Variants in GLI3 observed in about 807,000 individuals in gnomAD.
GLI3 encodes transcription activator GLI3.
Under a neutral mutation model 100.8 loss-of-function variants are expected in GLI3, and 20 were observed. The ratio of observed to expected loss-of-function variants is 0.20; its 90% CI spans 0.14 to 0.29. The LOEUF (loss-of-function observed/expected upper bound fraction) is 0.29. GLI3 is among the 10% of genes least tolerant of loss of function. The pLI is 1.00. For synonymous variants in GLI3, 938 were observed against 860.5 expected, an observed-to-expected ratio of 1.09 and a Z score of -1.58; for missense variants, 2,040 against 2,128.5, an observed-to-expected ratio of 0.96 and a Z score of 0.82.
At chr7:42,092,231 A>T (rs903852208) in intron 3 of GLI3, among the ~76,000 whole-genome samples, 1 of 152,232 alleles carries the variant, frequency 6.6e-6, no homozygotes, top group African/African-American at 2.4e-5. Context: ...AAGTGGATAA[A>T]GTCATCTGAG....
intron 2 of GLI3, among the ~76,000 whole-genome samples, chr7:42,190,880 C>G (rs79388696): frequency 0.019 from 2,831 of 151,598 alleles, 93 homozygotes; most frequent in African/African-American, 0.065. Flanking sequence ...AAAAAACATA[C>G]AAAGATCATC....
At chr7:42,119,823 A>C (rs1785951103) in intron 3 of GLI3, among the ~76,000 whole-genome samples, 1 of 152,190 alleles carries the variant, frequency 6.6e-6, no homozygotes, top group African/African-American at 2.4e-5. Flanking sequence ...AGAAGCAAGG[A>C]AAGTCACAAC....
At chr7:41,978,573 T>C in intron 11 of GLI3, 26 bp downstream of exon 11, 1 of 1,610,928 alleles carries the variant, frequency 6.2e-7, no homozygotes, top group Non-Finnish European at 8.5e-7. Flanking sequence ...GACCCAAGTG[T>C]GCCTGCCACC....
At position 41,972,965 on chromosome 7, in the gene GLI3, T is replaced by C. The variant is rs2128710166; in HGVS notation, c.1813-338A>G. Among the ~76,000 whole-genome samples the C allele has an allele frequency of 6.6e-6, 1 of 151,510 alleles. No individual in the cohort carries two copies. The highest frequency in any genetic ancestry group is 2.1e-4 in the South Asian group (1 of 4,804). On this transcript the variant is annotated intron_variant, in intron 12 of 14. Coordinates refer to ENST00000395925, the MANE Select transcript of GLI3 (RefSeq NM_000168.6). This position sits in a 1 kb window ranked among gnomAD's most constrained non-coding sequence, Gnocchi z 4.4. ...TAGGCACTCAATAGATATTTGATGA[T>C]GATGATGATGATGATGACGATGACT...
At chr7:42,202,402 A>G (rs1356233380) in intron 2 of GLI3, among the ~76,000 whole-genome samples, 1 of 150,868 alleles carries the variant, frequency 6.6e-6, no homozygotes, top group Non-Finnish European at 1.5e-5. Context: ...ACACAGGGCA[A>G]ATCAGTATAC....
intron 2 of GLI3, among the ~76,000 whole-genome samples, chr7:42,165,387 T>C (rs1291567617): frequency 1.3e-5 from 2 of 152,152 alleles, no homozygotes; most frequent in Non-Finnish European, 2.9e-5. Context: ...TCAAATAATA[T>C]GCAAAAACAT....
At chr7:42,074,463 T>C (rs1359769825) in intron 4 of GLI3, among the ~76,000 whole-genome samples, 2 of 152,104 alleles carry the variant, frequency 1.3e-5, no homozygotes, top group Non-Finnish European at 2.9e-5. Context: ...TAACAATAAA[T>C]CACCAAGCAA....
rs765591867 is a variant in GLI3, at chr7:42,025,254, G to A, written c.1356+10C>T. On this transcript the variant is annotated intron_variant, in intron 9 of 14. Coordinates refer to ENST00000395925, the MANE Select transcript of GLI3 (RefSeq NM_000168.6). ...AGTGGGCGCTGGCCTGTGCGGCCTCGGTGTCCTACCTGCTGCCCCCGAGCC... is the reference window on the plus strand; with the variant it reads ...AGTGGGCGCTGGCCTGTGCGGCCTCAGTGTCCTACCTGCTGCCCCCGAGCC... The A allele has an allele frequency of 3.8e-6, 6 of 1,585,432 alleles. No individual in the cohort carries two copies. The South Asian group carries it at 6.6e-5, about 18-fold the overall frequency.
At chr7:42,154,302 G>A (rs556593489) in intron 2 of GLI3, among the ~76,000 whole-genome samples, 3 of 152,034 alleles carry the variant, frequency 2.0e-5, no homozygotes, top group African/African-American at 7.2e-5. Flanking sequence ...ATACACACAG[G>A]CCCCACTCAG....
intron 3 of GLI3, among the ~76,000 whole-genome samples, chr7:42,147,445 T>C (rs1232897234): frequency 1.3e-5 from 2 of 152,210 alleles, no homozygotes; most frequent in Non-Finnish European, 2.9e-5. Context: ...CCTGGCAAGG[T>C]GATAAATCTG....
intron 4 of GLI3, among the ~76,000 whole-genome samples, chr7:42,066,479 A>G (rs1283611501): frequency 1.3e-5 from 2 of 152,016 alleles, no homozygotes; most frequent in African/African-American, 4.8e-5. Context: ...GGAGGTTAAC[A>G]CAAATTAAAT....
rs138929684 is a variant in GLI3, at chr7:42,018,677, G to A, written c.1497+4791C>T. Among the ~76,000 whole-genome samples the A allele has an allele frequency of 5.8e-3, 876 of 152,280 alleles. 13 individuals carry two copies. The highest frequency in any genetic ancestry group is 0.02 in the African/African-American group (842 of 41,558). Reference sequence around the variant, plus strand: ...GAATTTGTTTCCAAATGGCAGCAAAGGTGATTATGACTGTGTTCTTCTGAT... The same window carrying A: ...GAATTTGTTTCCAAATGGCAGCAAAAGTGATTATGACTGTGTTCTTCTGAT... On this transcript the variant is annotated intron_variant, in intron 10 of 14. Transcript: ENST00000395925.
chr7:42,000,187 A>G (rs982574122), intron 10 of GLI3, among the ~76,000 whole-genome samples: 6 of 152,234 alleles, frequency 3.9e-5, no homozygotes, highest in Non-Finnish European at 7.3e-5. Flanking sequence ...TGTATCTACA[A>G]AGGAATTCCA....
intron 1 of GLI3, among the ~76,000 whole-genome samples, chr7:42,248,929 A>G (rs1583674931): frequency 6.6e-6 from 1 of 151,806 alleles, no homozygotes; most frequent in Non-Finnish European, 1.5e-5. Context: ...TTTAGTAGAG[A>G]TGGATTTTCA....
rs924686737 is a variant in GLI3 at position 42,184,590 on chromosome 7, T to C, written c.125-36122A>G. Among the ~76,000 whole-genome samples the C allele has an allele frequency of 7.9e-5, 12 of 152,278 alleles. No homozygotes were observed. The South Asian group carries it at 1.5e-3, about 18-fold the overall frequency. On this transcript the variant is annotated intron_variant, in intron 2 of 14. Transcript: ENST00000395925. ...GGAAAAGCACAATAAATGTGAATTG[T>C]TTTAATGAATGAATGAATGAAGCCA...
chr7:42,251,295 G>T (rs1292143916), intron 1 of GLI3, among the ~76,000 whole-genome samples: 1 of 152,132 alleles, frequency 6.6e-6, no homozygotes, highest in Non-Finnish European at 1.5e-5. Context: ...AGATCATCAG[G>T]CATTAGATTC....
intron 1 of GLI3, among the ~76,000 whole-genome samples, chr7:42,245,384 T>C (rs914779858): frequency 3.3e-5 from 5 of 152,166 alleles, no homozygotes; most frequent in African/African-American, 1.2e-4. Flanking sequence ...TCCTCACAGG[T>C]AAAATGGAAT....
chr7:41,968,735 A>AGAAGGAAG (rs1787271042), intron 13 of GLI3, among the ~76,000 whole-genome samples: 1 of 122,698 alleles, frequency 8.2e-6, no homozygotes, highest in Admixed American at 7.6e-5. Flanking sequence ...AAAGAAAGAA[A>AGAAGGAAG]GAAAGAAAGA....
At chr7:42,099,308 T>G (rs1271395381) in intron 3 of GLI3, among the ~76,000 whole-genome samples, 2 of 152,212 alleles carry the variant, frequency 1.3e-5, no homozygotes, top group African/African-American at 4.8e-5. Flanking sequence ...TTACTTCCTT[T>G]GAATTCGACA....
Sources: allele counts gnomAD v4.1 joint callset (sites outside exome capture counted in the v4.1 genomes callset), GRCh38; gene constraint gnomAD v4.1.1; non-coding constraint Gnocchi (gnomAD v3.1); transcripts MANE v1.5; gene names NCBI Gene and HGNC (gene_info 2026-07-23, HGNC 2026-07-21).